The following MTPAP variants were observed in gnomAD, a reference collection of about 807,000 sequenced individuals.
The protein encoded by MTPAP is poly(A) RNA polymerase, mitochondrial.
MTPAP carries 23 observed loss-of-function variants against 48.7 expected under a neutral mutation model. The ratio of observed to expected loss-of-function variants is 0.47; its 90% CI spans 0.34 to 0.67. MTPAP has a LOEUF of 0.67. MTPAP is among the 30% of genes least tolerant of loss of function. The pLI, the probability that MTPAP is intolerant of heterozygous loss-of-function variation, is 0.01. For synonymous variants in MTPAP, 257 were observed against 254.1 expected (o/e 1.01, Z -0.11); for missense variants, 614 against 694.3 (o/e 0.88, Z 1.30).
intron 1 of MTPAP, 124 bp downstream of exon 1, chr10:30,348,995 A>G (rs1452259911): frequency 1.4e-6 from 2 of 1,404,272 alleles, no homozygotes; most frequent in African/African-American, 2.8e-5. Flanking sequence ...AGGAGAGGAC[A>G]GGACACAGCC....
intron 1 of MTPAP, among the ~76,000 whole-genome samples, chr10:30,346,434 C>T (rs1199932277): frequency 6.6e-6 from 1 of 152,018 alleles, no homozygotes. Context: ...AGAGGATTTA[C>T]AGCCTGGAAA....
rs754571824 is a variant in MTPAP at position 30,313,879 on chromosome 10, G to A, written c.1479C>T (p.Ser493=). The part of the protein sequence containing the change: ...SLNISKNVSQ[S]QLQKFVDLAR... ...CCAAATCTACAAATTTTTGCAGCTG[G>A]CTTTGACTTACATTTTTGCTTATGT... The change falls in exon 9 of 9, where the codon AGC becomes AGT. Residue 493 remains serine, a synonymous_variant. Coordinates refer to ENST00000263063, the MANE Select transcript of MTPAP (RefSeq NM_018109.4). 4 of 1,614,140 alleles carry A rather than the reference G, an allele frequency of 2.5e-6. No individual in the cohort carries two copies. Among genetic ancestry groups the A allele is most frequent in the South Asian group, 2.2e-5 (2 of 91,084 alleles).
intron 4 of MTPAP, among the ~76,000 whole-genome samples, chr10:30,329,170 C>G (rs944410693): frequency 6.6e-6 from 1 of 151,920 alleles, no homozygotes; most frequent in Non-Finnish European, 1.5e-5. Context: ...ATAGCTTGAA[C>G]CCAGGAGGCC....
chr10:30,320,402 A>G (rs1376909781), intron 6 of MTPAP, among the ~76,000 whole-genome samples: 1 of 152,138 alleles, frequency 6.6e-6, no homozygotes, highest in African/African-American at 2.4e-5. Flanking sequence ...GTGCATGCCT[A>G]TAGTCCCAGC....
intron 4 of MTPAP, among the ~76,000 whole-genome samples, chr10:30,336,546 C>G (rs945527690): frequency 4.6e-5 from 7 of 152,122 alleles, no homozygotes; most frequent in African/African-American, 1.7e-4. Flanking sequence ...TTTGACTTAA[C>G]TGAAAAATTT....
At chr10:30,339,743 G>C (rs1834776858) in intron 3 of MTPAP, among the ~76,000 whole-genome samples, 1 of 152,138 alleles carries the variant, frequency 6.6e-6, no homozygotes, top group Non-Finnish European at 1.5e-5. Flanking sequence ...TTTATTTATA[G>C]AGATATTAAA....
intron 4 of MTPAP, among the ~76,000 whole-genome samples, chr10:30,330,428 C>G (rs192056527): frequency 2.9e-4 from 44 of 152,240 alleles, no homozygotes; most frequent in African/African-American, 9.9e-4. Flanking sequence ...TAGAGTACAT[C>G]AGGGAGGAGT....
intron 4 of MTPAP, among the ~76,000 whole-genome samples, chr10:30,335,940 G>A (rs879749096): frequency 2.0e-5 from 3 of 152,136 alleles, no homozygotes; most frequent in South Asian, 4.1e-4. Flanking sequence ...AACCCGGGAG[G>A]TGGAGGTTGC....
At chr10:30,328,532 G>A (rs1014904807) in intron 4 of MTPAP, among the ~76,000 whole-genome samples, 1 of 152,212 alleles carries the variant, frequency 6.6e-6, no homozygotes, top group Non-Finnish European at 1.5e-5. Flanking sequence ...TTTGGGAGCT[G>A]TATCTAGTTT....
At chr10:30,334,553 C>T (rs1280497955) in intron 4 of MTPAP, among the ~76,000 whole-genome samples, 1 of 152,002 alleles carries the variant, frequency 6.6e-6, no homozygotes, top group Non-Finnish European at 1.5e-5. Flanking sequence ...CCCAGCTACA[C>T]AGGAGGCTGA....
At chr10:30,325,159 T>G (rs1834568562) in intron 5 of MTPAP, among the ~76,000 whole-genome samples, 7 of 152,142 alleles carry the variant, frequency 4.6e-5, no homozygotes, top group Admixed American at 4.6e-4. Context: ...AAATGTAATT[T>G]TGTCCTATTT....
intron 4 of MTPAP, among the ~76,000 whole-genome samples, chr10:30,328,410 C>T (rs1454533182): frequency 2.0e-5 from 3 of 152,108 alleles, no homozygotes; most frequent in Admixed American, 6.5e-5. Context: ...AACTTGTATA[C>T]GTTGGCTAAC....
intron 4 of MTPAP, among the ~76,000 whole-genome samples, chr10:30,336,454 A>G (rs1834731630): frequency 6.6e-6 from 1 of 152,180 alleles, no homozygotes. Context: ...CATGAGATGT[A>G]AAAACATCTC....
chr10:30,315,940 C>A, intron 8 of MTPAP, 23 bp downstream of exon 8: 1 of 1,553,586 alleles, frequency 6.4e-7, no homozygotes, highest in Non-Finnish European at 8.8e-7. Context: ...ATACTAATAA[C>A]TAAATAGTAA....
At chr10:30,326,397 T>C (rs375124773) in intron 5 of MTPAP, 27 bp downstream of exon 5, 1 of 1,585,842 alleles carries the variant, frequency 6.3e-7, no homozygotes, top group African/African-American at 1.3e-5. Flanking sequence ...TATTCATATT[T>C]AAAATAATAA....
intron 5 of MTPAP, among the ~76,000 whole-genome samples, chr10:30,323,090 G>C (rs2489850): frequency 0.96 from 136,640 of 142,610 alleles, 65,707 homozygotes; most frequent in Non-Finnish European, 1. Flanking sequence ...GACCATACCA[G>C]TGTACTCCAG....
intron 2 of MTPAP, among the ~76,000 whole-genome samples, chr10:30,340,834 G>A (rs1182046387): frequency 3.9e-5 from 6 of 151,980 alleles, no homozygotes; most frequent in Admixed American, 2.0e-4. Flanking sequence ...CAGGAGAATC[G>A]CTTGAACCCA....
intron 6 of MTPAP, among the ~76,000 whole-genome samples, chr10:30,318,661 G>C (rs1840688108): frequency 6.6e-6 from 1 of 152,152 alleles, no homozygotes; most frequent in African/African-American, 2.4e-5. Context: ...CAAATAAACA[G>C]GGCAATTCAA....
intron 4 of MTPAP, among the ~76,000 whole-genome samples, chr10:30,333,698 T>C (rs956501473): frequency 6.6e-6 from 1 of 152,174 alleles, no homozygotes; most frequent in Non-Finnish European, 1.5e-5. Context: ...GTGGATCACC[T>C]GAACTCAGGA....
Sources: gnomAD v4.1 joint callset for allele counts (sites outside exome capture counted in the v4.1 genomes callset) on GRCh38, gnomAD v4.1.1 for gene constraint, MANE v1.5 for transcripts, NCBI Gene and HGNC (gene_info 2026-07-23, HGNC 2026-07-21) for gene names.